Variants in NOTCH3 observed in about 807,000 individuals in gnomAD.
NOTCH3 encodes notch receptor 3.
In NOTCH3, 86 loss-of-function variants were observed where a neutral mutation model predicts 213.3. The ratio of observed to expected loss-of-function variants is 0.40; its 90% CI spans 0.34 to 0.48. The LOEUF is 0.48. Among genes scored for constraint, NOTCH3 ranks in the 20% least tolerant of loss-of-function variants. The pLI, the probability that NOTCH3 is intolerant of heterozygous loss-of-function variation, is 0.57. For synonymous variants in NOTCH3, 1,354 were observed against 1,355.9 expected, an observed-to-expected ratio of 1.00 and a Z score of 0.03; for missense variants, 2,783 against 3,272.6, an observed-to-expected ratio of 0.85 and a Z score of 3.65.
chr19:15,170,300 G>A (rs755675668), intron 27 of NOTCH3, 31 bp downstream of exon 27: 1 of 1,587,838 alleles, frequency 6.3e-7, no homozygotes, highest in Admixed American at 1.7e-5. Flanking sequence ...GGTCCCCGTA[G>A]TCAGGGACAG....
At chr19:15,180,853 G>A (rs1568355877) in intron 18 of NOTCH3, 25 bp from the exon 19 acceptor site, 5 of 1,611,514 alleles carry the variant, frequency 3.1e-6, no homozygotes, top group Non-Finnish European at 4.2e-6. Context: ...CTCAGAGTCA[G>A]TACTGTGGGG....
intron 16 of NOTCH3, among the ~76,000 whole-genome samples, chr19:15,182,919 G>A (rs149742458): frequency 0.091 from 13,839 of 152,050 alleles, 1,683 homozygotes; most frequent in African/African-American, 0.28. Context: ...TGGGATTACC[G>A]GTGTGAGCCA....
At position 15,161,564 on chromosome 19, in the gene NOTCH3, G is replaced by T. The variant is rs747559029; in HGVS notation, c.6064C>A (p.Arg2022Ser). 10 of 1,609,506 alleles carry T rather than the reference G, an allele frequency of 6.2e-6. No individual in the cohort carries two copies. In the African/African-American group the frequency reaches 9.3e-5, roughly 15 times the overall value. Residue 2022 changes from arginine (R) to serine (S), a missense_variant, in exon 33 of 33, where the codon CGC (arginine) becomes AGC (serine). Physicochemically the swap from Arg to Ser is moderately radical, Grantham distance 110. Around this residue, in one of 6 missense-constraint regions of NOTCH3, gnomAD observed 441 missense variants for 432.1 expected, o/e 1.02. Transcript: ENST00000263388. The part of the protein sequence containing the change: ...AQERLHQDIV[R>S]LLDQPSGPRS... ...GGCCCACTGGGTTGATCCAGCAAGC[G>T]CACGATGTCCTGGTGCAGTCTCTCC... is the stretch of plus-strand genomic sequence containing the variant.
At chr19:15,161,809 T>C (rs2046646608) in intron 32 of NOTCH3, 95 bp from the exon 33 acceptor site, 2 of 1,081,612 alleles carry the variant, frequency 1.8e-6, no homozygotes, top group Non-Finnish European at 2.7e-6. Flanking sequence ...TATGAGTTTG[T>C]ACACTGGAGC....
At chr19:15,166,965 A>G (rs2046691222) in intron 29 of NOTCH3, among the ~76,000 whole-genome samples, 1 of 152,096 alleles carries the variant, frequency 6.6e-6, no homozygotes, top group South Asian at 2.1e-4. Flanking sequence ...CTGGAGCATT[A>G]AGAAGGTTTT....
intron 26 of NOTCH3, 40 bp downstream of exon 26, chr19:15,170,631 G>T: frequency 9.7e-7 from 1 of 1,032,896 alleles, no homozygotes; most frequent in Non-Finnish European, 1.4e-6. Flanking sequence ...GCCGCCCCCA[G>T]CTCCGCCCCC....
At chr19:15,180,611 C>T in intron 19 of NOTCH3, 70 bp downstream of exon 19, 1 of 1,514,816 alleles carries the variant, frequency 6.6e-7, no homozygotes, top group South Asian at 1.2e-5. Context: ...ATTCGGCTCA[C>T]ACTAGCAGGA....
At position 15,160,527 on chromosome 19, in the gene NOTCH3, C is replaced by T. The variant is rs2046630946; in HGVS notation, c.*135G>A. On this transcript the variant is annotated 3_prime_UTR_variant, in exon 33 of 33. Coordinates refer to ENST00000263388, the MANE Select transcript of NOTCH3 (RefSeq NM_000435.3). Reference sequence around the variant, plus strand: ...CTGATGACCTATCTCGGTCACGCTGCAAGGCAAGGATGCAGGAGGGTTGGT... The same window carrying T: ...CTGATGACCTATCTCGGTCACGCTGTAAGGCAAGGATGCAGGAGGGTTGGT... 1 of 828,170 alleles carries T rather than the reference C, an allele frequency of 1.2e-6. No homozygotes were observed. Among genetic ancestry groups the T allele is most frequent in the Non-Finnish European group, 2.1e-6 (1 of 471,620 alleles). The allele number at this position is 828,170 out of a possible 1,614,324, so 51.3% of individuals were successfully genotyped here. A position where few individuals can be genotyped will look rare whatever the true frequency, so the allele number is the denominator to read the frequency against.
chr19:15,161,247 A>G lies in NOTCH3; in HGVS notation c.6381T>C (p.Tyr2127=), dbSNP rs2046639364. Residue 2127 remains tyrosine (Y), a synonymous_variant, in exon 33 of 33, where the codon TAT becomes TAC. Transcript: ENST00000263388. Reference sequence around the variant, plus strand: ...ACACTGCAGTGGCAGTGGCAGCTGCATAGGGCCCCTCAAGGGGGAAGCCAC... The same window carrying G: ...ACACTGCAGTGGCAGTGGCAGCTGCGTAGGGCCCCTCAAGGGGGAAGCCAC... ...SPGGFPLEGP[Y]AAATATAVSL... The G allele has an allele frequency of 1.9e-6, 3 of 1,547,518 alleles. No individual in the cohort carries two copies. Among genetic ancestry groups the G allele is most frequent in the Non-Finnish European group, 2.6e-6 (3 of 1,150,878 alleles).
intron 2 of NOTCH3, among the ~76,000 whole-genome samples, chr19:15,195,341 A>G (rs1254223250): frequency 2.0e-5 from 3 of 152,042 alleles, no homozygotes; most frequent in Non-Finnish European, 2.9e-5. Context: ...AGGAATTGGA[A>G]CTGGGAGGGG....
intron 15 of NOTCH3, among the ~76,000 whole-genome samples, chr19:15,184,678 C>T (rs1937747947): frequency 6.6e-6 from 1 of 152,208 alleles, no homozygotes; most frequent in African/African-American, 2.4e-5. Context: ...AAGCTGTACC[C>T]TAAACCCCGC....
At chr19:15,182,508 A>C (rs1410070995) in intron 16 of NOTCH3, among the ~76,000 whole-genome samples, 2 of 9,734 alleles carry the variant, frequency 2.1e-4, no homozygotes, top group African/African-American at 3.1e-4. Context: ...ACTTGTCTCA[A>C]AAAAAAAAAA....
At chr19:15,171,577 A>G (rs966911794) in intron 25 of NOTCH3, among the ~76,000 whole-genome samples, 3 of 151,698 alleles carry the variant, frequency 2.0e-5, no homozygotes, top group African/African-American at 7.3e-5. Context: ...TGCCCAGGCT[A>G]GTCTTGAACT....
At chr19:15,197,441 G>GGC in intron 2 of NOTCH3, 59 bp downstream of exon 2, 8 of 768,352 alleles carry the variant, frequency 1.0e-5, no homozygotes, top group African/African-American at 1.7e-5. Context: ...AAGACAAATC[G>GGC]CCCCTCCCCC....
intron 18 of NOTCH3, 35 bp from the exon 19 acceptor site, chr19:15,180,863 G>A (rs2046834172): frequency 6.8e-6 from 11 of 1,609,898 alleles, no homozygotes; most frequent in Non-Finnish European, 9.3e-6. Context: ...GTACTGTGGG[G>A]TGGGGGGTAG....
At chr19:15,175,028 A>G (rs2046776036) in intron 24 of NOTCH3, among the ~76,000 whole-genome samples, 1 of 152,116 alleles carries the variant, frequency 6.6e-6, no homozygotes, top group Non-Finnish European at 1.5e-5. Context: ...TAGGACTACA[A>G]ACCCACACCA....
intron 1 of NOTCH3, among the ~76,000 whole-genome samples, chr19:15,199,243 G>A (rs1479058636): frequency 6.6e-6 from 1 of 152,182 alleles, no homozygotes. Context: ...GTACATGCAT[G>A]TCAGCGTGGG....
intron 25 of NOTCH3, among the ~76,000 whole-genome samples, chr19:15,173,072 T>TTCCTCTTCC (rs1568351279): frequency 8.6e-5 from 1 of 11,576 alleles, no homozygotes; most frequent in Non-Finnish European, 1.7e-4. Flanking sequence ...CTTCTTCTTC[T>TTCCTCTTCC]TCTTCTTCTT....
At chr19:15,177,041 C>T (rs1484688790) in intron 24 of NOTCH3, among the ~76,000 whole-genome samples, 1 of 133,934 alleles carries the variant, frequency 7.5e-6, no homozygotes, top group Non-Finnish European at 1.5e-5. Context: ...CATTGCACTC[C>T]AGTCTGGGCA....
Sources: allele counts gnomAD v4.1 joint callset (sites outside exome capture counted in the v4.1 genomes callset), GRCh38; gene constraint gnomAD v4.1.1; regional missense constraint gnomAD v4.1.1; transcripts MANE v1.5; gene names NCBI Gene and HGNC (gene_info 2026-07-23, HGNC 2026-07-21).